Variants in KIAA1958 observed in about 807,000 individuals in gnomAD.
The protein encoded by KIAA1958 is uncharacterized protein KIAA1958.
Under a neutral mutation model 47.2 loss-of-function variants are expected in KIAA1958, and 14 were observed. That is an observed-to-expected ratio of 0.30 (90% CI 0.20 to 0.46). The LOEUF (loss-of-function observed/expected upper bound fraction) is 0.46. KIAA1958 is among the 20% of genes least tolerant of loss of function. KIAA1958 has a pLI of 1.00. For synonymous variants in KIAA1958, 354 were observed against 353.3 expected (o/e 1.00, Z -0.02); for missense variants, 803 against 909.2 (o/e 0.88, Z 1.50).
intron 1 of KIAA1958, among the ~76,000 whole-genome samples, chr9:112,521,961 C>CTTTATTTATTTATTTATTTATTTATTTA (rs146357893): frequency 5.5e-5 from 8 of 146,640 alleles, no homozygotes; most frequent in Admixed American, 1.4e-4. Context: ...TTTTAAATAA[C>CTTTATTTATTTATTTATTTATTTATTTA]TTTATTTATT....
chr9:112,504,171 G>A (rs1834193960), intron 1 of KIAA1958, among the ~76,000 whole-genome samples: 2 of 151,428 alleles, frequency 1.3e-5, no homozygotes, highest in Admixed American at 6.6e-5. Flanking sequence ...TGAACCAGAA[G>A]GAACTGTAGA....
chr9:112,635,444 G>A (rs1386669551), intron 2 of KIAA1958, among the ~76,000 whole-genome samples: 1 of 152,106 alleles, frequency 6.6e-6, no homozygotes, highest in Admixed American at 6.5e-5. Context: ...TAGAGACAGA[G>A]TTTTGCCATG....
intron 2 of KIAA1958, among the ~76,000 whole-genome samples, chr9:112,634,561 C>G (rs1257149533): frequency 2.6e-5 from 4 of 152,150 alleles, no homozygotes; most frequent in Non-Finnish European, 5.9e-5. Flanking sequence ...GACTATCTCC[C>G]TTCTAAATGA....
intron 2 of KIAA1958, among the ~76,000 whole-genome samples, chr9:112,587,667 G>C (rs1588029790): frequency 6.6e-6 from 1 of 152,044 alleles, no homozygotes; most frequent in Non-Finnish European, 1.5e-5. Flanking sequence ...TGCTTTCTTA[G>C]ACCCAAAGAA....
intron 1 of KIAA1958, among the ~76,000 whole-genome samples, chr9:112,564,725 C>A (rs1755734457): frequency 6.6e-6 from 1 of 152,072 alleles, no homozygotes; most frequent in South Asian, 2.1e-4. Context: ...AATGTACTTA[C>A]AAATTCAACT....
intron 2 of KIAA1958, among the ~76,000 whole-genome samples, chr9:112,578,576 G>A (rs1835688552): frequency 6.6e-6 from 1 of 152,134 alleles, no homozygotes; most frequent in African/African-American, 2.4e-5. Context: ...TTTTACTGTT[G>A]CCATTTAAAT....
At chr9:112,630,576 T>C (rs1276580814) in intron 2 of KIAA1958, among the ~76,000 whole-genome samples, 2 of 152,258 alleles carry the variant, frequency 1.3e-5, no homozygotes, top group African/African-American at 4.8e-5. Flanking sequence ...TTTAGTCAGA[T>C]ATAATTCTCC....
chr9:112,596,817 C>T lies in KIAA1958; in HGVS notation c.1171+21566C>T, dbSNP rs530110929. The stretch of plus-strand genomic sequence containing the variant: ...TTTATGTGCCATACATCTTTTGTTT[C>T]AAATTGATTAATAATACCTTTTTGT... On this transcript the variant is annotated intron_variant, in intron 2 of 3. Coordinates refer to ENST00000337530, the MANE Select transcript of KIAA1958 (RefSeq NM_133465.4). 2.0e-5 allele frequency among the ~76,000 whole-genome samples: 3 copies of T among 152,238 alleles called. No individual in the cohort carries two copies. In the East Asian group the frequency reaches 5.8e-4, roughly 29 times the overall value.
intron 3 of KIAA1958, among the ~76,000 whole-genome samples, chr9:112,649,986 C>G (rs1001081202): frequency 6.6e-6 from 1 of 151,724 alleles, no homozygotes; most frequent in African/African-American, 2.4e-5. Context: ...TTTCAAAGAT[C>G]ACTGACTTTT....
intron 1 of KIAA1958, among the ~76,000 whole-genome samples, chr9:112,488,814 A>G (rs1833913692): frequency 6.6e-6 from 1 of 152,232 alleles, no homozygotes. Flanking sequence ...TAAAAAGTTT[A>G]GTATGCTTAA....
Position 112,660,350 on chromosome 9 carries a change from C to A in KIAA1958, c.*281C>A. On this transcript the variant is annotated 3_prime_UTR_variant, in exon 4 of 4. Coordinates refer to ENST00000337530, the MANE Select transcript of KIAA1958 (RefSeq NM_133465.4). ...TGTTACATACAAGAGTGAGGAAATTCATTTTCTCTAGTGCCTTTCTAGCAC... is the reference window on the plus strand; with the variant it reads ...TGTTACATACAAGAGTGAGGAAATTAATTTTCTCTAGTGCCTTTCTAGCAC... 2.5e-6 allele frequency: 1 copy of A among 403,762 alleles called. No individual in the cohort carries two copies. The highest frequency in any genetic ancestry group is 4.5e-6 in the Non-Finnish European group (1 of 224,602). The allele number at this position is 403,762 out of a possible 1,614,324, so 25.0% of individuals were successfully genotyped here.
intron 1 of KIAA1958, among the ~76,000 whole-genome samples, chr9:112,537,452 T>C (rs889246667): frequency 2.0e-5 from 3 of 152,218 alleles, no homozygotes; most frequent in African/African-American, 7.2e-5. Flanking sequence ...ATCTAGAATC[T>C]TTAAGGAGTT....
rs973693038 is a variant in KIAA1958, at chr9:112,666,199, G to A, written c.*6130G>A. 6.6e-6 allele frequency: 1 copy of A among 151,954 alleles called. No homozygotes were observed. Among genetic ancestry groups the A allele is most frequent in the Non-Finnish European group, 1.5e-5 (1 of 67,994 alleles). The allele number at this position is 151,954 out of a possible 1,614,324, so 9.4% of individuals were successfully genotyped here. The stretch of plus-strand genomic sequence containing the variant: ...GTTGGCCAGGCTGGTCTCGAACTCC[G>A]ACCTCAGTGATCCACCTGCCTCGGC... On this transcript the variant is annotated 3_prime_UTR_variant, in exon 4 of 4. Transcript: ENST00000337530.
chr9:112,576,513 TC>T (rs1474012157), intron 2 of KIAA1958, among the ~76,000 whole-genome samples: 1 of 152,166 alleles, frequency 6.6e-6, no homozygotes, highest in African/African-American at 2.4e-5. Flanking sequence ...AGTCACTTTT[TC>T]CCTCCTCTTA....
At chr9:112,573,554 C>T (rs1342154855) in intron 1 of KIAA1958, among the ~76,000 whole-genome samples, 1 of 152,184 alleles carries the variant, frequency 6.6e-6, no homozygotes, top group Non-Finnish European at 1.5e-5. Context: ...CTCTCTCTGA[C>T]CTCCGTCCTA....
At chr9:112,656,197 A>C (rs10817365) in intron 3 of KIAA1958, among the ~76,000 whole-genome samples, 31,143 of 151,686 alleles carry the variant, frequency 0.21, 3,592 homozygotes, top group East Asian at 0.37. Flanking sequence ...ACATGGTGAA[A>C]CCCCGTTTCT....
At chr9:112,490,649 A>G (rs1450617474) in intron 1 of KIAA1958, among the ~76,000 whole-genome samples, 1 of 152,208 alleles carries the variant, frequency 6.6e-6, no homozygotes, top group Non-Finnish European at 1.5e-5. Flanking sequence ...GAAAATGCAA[A>G]TTTTTGAATT....
intron 3 of KIAA1958, among the ~76,000 whole-genome samples, chr9:112,657,882 G>A (rs1438060242): frequency 6.7e-6 from 1 of 149,004 alleles, no homozygotes; most frequent in Admixed American, 6.7e-5. Flanking sequence ...TTGAGACAGA[G>A]TTTCGCTCTT....
chr9:112,568,712 C>G (rs1037657054), intron 1 of KIAA1958, among the ~76,000 whole-genome samples: 2 of 151,454 alleles, frequency 1.3e-5, no homozygotes, highest in Non-Finnish European at 1.5e-5. Flanking sequence ...AACCCCATCT[C>G]TACAAACAAA....
Sources: gnomAD v4.1 joint callset for allele counts (sites outside exome capture counted in the v4.1 genomes callset) on GRCh38, gnomAD v4.1.1 for gene constraint, MANE v1.5 for transcripts, NCBI Gene and HGNC (gene_info 2026-07-23, HGNC 2026-07-21) for gene names.